The following LSM3 variants were observed in gnomAD, a reference collection of about 807,000 sequenced individuals.
The protein encoded by LSM3 is LSM3 homolog, U6 small nuclear RNA and mRNA degradation associated.
LSM3 carries 14 observed loss-of-function variants against 15.4 expected under a neutral mutation model. The observed-to-expected ratio is 0.91, with a 90% CI of 0.60 to 1.42. The LOEUF (loss-of-function observed/expected upper bound fraction) is 1.42. Ranked by LOEUF, LSM3 falls within the 40% of genes most tolerant of loss-of-function variation. The pLI is 0.00. For missense variants in LSM3, 88 were observed against 127.9 expected, an observed-to-expected ratio of 0.69 and a Z score of 1.50; for synonymous variants, 46 against 45.1, an observed-to-expected ratio of 1.02 and a Z score of -0.08.
rs187804314 is a variant in LSM3, at chr3:14,199,441, G to A, written c.*1325G>A. 3.3e-5 allele frequency: 5 copies of A among 152,204 alleles called. No homozygotes were observed. Among genetic ancestry groups the A allele is most frequent in the Admixed American group, 1.3e-4 (2 of 15,290 alleles). The allele number at this position is 152,204 out of a possible 1,614,324, so 9.4% of individuals were successfully genotyped here. ...CTGTAAATGAGCTGAATGTGTGTGC[G>A]TGTTCATTATCAAGCACGATATGCT... is the stretch of plus-strand genomic sequence containing the variant. On this transcript the variant is annotated 3_prime_UTR_variant, in exon 4 of 4. Coordinates refer to ENST00000306024, the MANE Select transcript of LSM3 (RefSeq NM_014463.3).
At position 14,198,423 on chromosome 3, in the gene LSM3, C is replaced by T. The variant is rs983854072; in HGVS notation, c.*307C>T. The T allele has an allele frequency of 2.4e-5, 8 of 333,434 alleles. No individual in the cohort carries two copies. Among genetic ancestry groups the T allele is most frequent in the African/African-American group, 1.5e-4 (7 of 46,748 alleles). 20.7% of individuals were successfully genotyped at this position (333,434 alleles called of 1,614,324 possible). A position where few individuals can be genotyped will look rare whatever the true frequency, so the allele number is the denominator to read the frequency against. On this transcript the variant is annotated 3_prime_UTR_variant, in exon 4 of 4. Coordinates refer to ENST00000306024, the MANE Select transcript of LSM3 (RefSeq NM_014463.3). ...TTTCTTTTCTTTAAATTGGTGTTTC[C>T]TTGTAGATTTTTTTAAGTGCGGTCT...
At chr3:14,186,717 G>T (rs1221808780) in intron 3 of LSM3, among the ~76,000 whole-genome samples, 3 of 151,288 alleles carry the variant, frequency 2.0e-5, no homozygotes, top group African/African-American at 7.3e-5. Flanking sequence ...ATTAACTATT[G>T]TTTAGTGGTT....
At chr3:14,193,096 A>C (rs1408057539) in intron 3 of LSM3, among the ~76,000 whole-genome samples, 5 of 152,202 alleles carry the variant, frequency 3.3e-5, no homozygotes, top group Admixed American at 3.3e-4. Flanking sequence ...AGAACGTTGA[A>C]TATTGGTTCC....
chr3:14,198,053 T>A lies in LSM3; in HGVS notation c.246T>A (p.Ile82=). ...EEIYKSTKRN[I]PMLFVRGDGV... ...TCTTCTAGTCAACGAAACGGAATAT[T>A]CCAATGCTCTTTGTCCGGGGAGATG... Residue 82 remains isoleucine (I), a synonymous_variant, in exon 4 of 4, where the codon ATT becomes ATA. Coordinates refer to ENST00000306024, the MANE Select transcript of LSM3 (RefSeq NM_014463.3). 2.5e-6 allele frequency: 4 copies of A among 1,613,924 alleles called. No individual in the cohort carries two copies. Among genetic ancestry groups the A allele is most frequent in the Non-Finnish European group, 3.4e-6 (4 of 1,179,798 alleles).
intron 3 of LSM3, among the ~76,000 whole-genome samples, chr3:14,197,458 T>C (rs1697196737): frequency 6.6e-6 from 1 of 152,258 alleles, no homozygotes; most frequent in African/African-American, 2.4e-5. Flanking sequence ...CTTCAAGGTA[T>C]CCATTCCATA....
chr3:14,198,171 A>G lies in LSM3; in HGVS notation c.*55A>G. 7.8e-7 allele frequency: 1 copy of G among 1,281,112 alleles called. No individual in the cohort carries two copies. The highest frequency in any genetic ancestry group is 1.2e-5 in the South Asian group (1 of 82,358). The allele number at this position is 1,281,112 out of a possible 1,614,324, so 79.4% of individuals were successfully genotyped here. ...GGAGACTTTGTACAGTGGCCTCTCTAAAAGTACAAAACATTCATAAGAGAA... is the reference window on the plus strand; with the variant it reads ...GGAGACTTTGTACAGTGGCCTCTCTGAAAGTACAAAACATTCATAAGAGAA... On this transcript the variant is annotated 3_prime_UTR_variant, in exon 4 of 4. Transcript: ENST00000306024.
intron 3 of LSM3, among the ~76,000 whole-genome samples, chr3:14,191,776 T>C (rs1319578097): frequency 6.6e-6 from 1 of 152,176 alleles, no homozygotes; most frequent in Non-Finnish European, 1.5e-5. Flanking sequence ...CGTGTCTCTA[T>C]CTCCTTCAGT....
chr3:14,190,155 A>G (rs565205378), intron 3 of LSM3, among the ~76,000 whole-genome samples: 8 of 152,132 alleles, frequency 5.3e-5, no homozygotes, highest in Non-Finnish European at 1.2e-4. Flanking sequence ...CCATTGGTCT[A>G]TATATCTGTT....
intron 1 of LSM3, among the ~76,000 whole-genome samples, chr3:14,180,820 CCTTTTTTTTTTTTTTTTTT>C (rs1257545568): frequency 5.8e-5 from 3 of 51,398 alleles, no homozygotes; most frequent in South Asian, 6.6e-4. Flanking sequence ...TGCTTGCTTG[CCTTTTTTTTTTTTTTTTTT>C]TTTTTTTTTT....
At position 14,187,800 on chromosome 3, in the gene LSM3, T is replaced by C. The variant is rs146547894; in HGVS notation, c.228+3768T>C. On this transcript the variant is annotated intron_variant, in intron 3 of 3. Coordinates refer to ENST00000306024, the MANE Select transcript of LSM3 (RefSeq NM_014463.3). ...ACTTCTAAATAATTAATTTGGCTGC[T>C]GACTTATAAATGGGAAGGTGGAAAG... Among the ~76,000 whole-genome samples, 13 of 152,356 alleles carry C rather than the reference T, an allele frequency of 8.5e-5. No homozygotes were observed. The East Asian group carries it at 2.5e-3, about 29-fold the overall frequency.
intron 3 of LSM3, among the ~76,000 whole-genome samples, chr3:14,196,270 T>G (rs1697186429): frequency 6.6e-6 from 1 of 152,108 alleles, no homozygotes; most frequent in South Asian, 2.1e-4. Context: ...TTTGTGAGTT[T>G]GATGGCCAAG....
intron 1 of LSM3, among the ~76,000 whole-genome samples, chr3:14,179,171 G>T (rs927132153): frequency 6.6e-6 from 1 of 152,138 alleles, no homozygotes; most frequent in East Asian, 1.9e-4. Context: ...AGAAAGCCAG[G>T]TAATAAAGTT....
chr3:14,182,703 C>G (rs770343835), intron 2 of LSM3, among the ~76,000 whole-genome samples: 6 of 152,130 alleles, frequency 3.9e-5, no homozygotes, highest in Non-Finnish European at 8.8e-5. Flanking sequence ...AGACCAGGTA[C>G]TATTATTCTA....
At chr3:14,196,839 A>G (rs552701210) in intron 3 of LSM3, among the ~76,000 whole-genome samples, 3 of 152,186 alleles carry the variant, frequency 2.0e-5, no homozygotes, top group African/African-American at 4.8e-5. Context: ...TGGCAATGCA[A>G]TTTCTTTAAA....
intron 1 of LSM3, among the ~76,000 whole-genome samples, chr3:14,180,435 C>A (rs80223952): frequency 0.045 from 6,860 of 151,942 alleles, 357 homozygotes; most frequent in East Asian, 0.22. Flanking sequence ...ACTACAGGTG[C>A]GTGCCGCCAC....
Position 14,178,880 on chromosome 3 carries a change from A to C in LSM3, c.20A>C (p.Gln7Pro), listed in dbSNP as rs200658802. Residue 7 changes from glutamine (Q) to proline (P), a missense_variant and splice_region_variant, in exon 1 of 4, where the codon CAG (glutamine) becomes CCG (proline). Transcript: ENST00000306024. ...TGAAACATGGCGGACGACGTAGACCAGGTAAGTGTATTTTAAGGAGGTCGC... is the reference window on the plus strand; with the variant it reads ...TGAAACATGGCGGACGACGTAGACCCGGTAAGTGTATTTTAAGGAGGTCGC... Reference protein sequence around the residue: MADDVDQQQTTNTVEEP... With the variant: MADDVDPQQTTNTVEEP... 9 of 1,614,190 alleles carry C rather than the reference A, an allele frequency of 5.6e-6. No individual in the cohort carries two copies. The highest frequency in any genetic ancestry group is 6.8e-6 in the Non-Finnish European group (8 of 1,180,036).
intron 3 of LSM3, among the ~76,000 whole-genome samples, chr3:14,193,334 G>T (rs1423355930): frequency 6.6e-6 from 1 of 152,160 alleles, no homozygotes; most frequent in African/African-American, 2.4e-5. Flanking sequence ...GTCTTACTAG[G>T]TTGGGGAAGT....
intron 1 of LSM3, 134 bp downstream of exon 1, chr3:14,179,015 A>AC (rs983463425): frequency 2.4e-5 from 23 of 953,324 alleles, no homozygotes; most frequent in African/African-American, 3.3e-5. Flanking sequence ...CCTTTCCGTA[A>AC]CCCCCCCTCC....
intron 3 of LSM3, among the ~76,000 whole-genome samples, chr3:14,185,380 AC>A (rs1697079660): frequency 6.6e-6 from 1 of 151,950 alleles, no homozygotes; most frequent in East Asian, 1.9e-4. Context: ...ACAAAAAAAA[AC>A]CTATCACGTG....
Sources: gnomAD v4.1 joint callset for allele counts (sites outside exome capture counted in the v4.1 genomes callset) on GRCh38, gnomAD v4.1.1 for gene constraint, MANE v1.5 for transcripts, NCBI Gene and HGNC (gene_info 2026-07-23, HGNC 2026-07-21) for gene names.